Variants in ECM2 observed in about 807,000 individuals in gnomAD.
ECM2 encodes extracellular matrix protein 2, female organ and adipocyte specific.
In ECM2, 57 loss-of-function variants were observed where a neutral mutation model predicts 67.5. The ratio of observed to expected loss-of-function variants is 0.84; its 90% CI spans 0.68 to 1.05. The LOEUF is 1.05. ECM2 is among the 50% of genes least tolerant of loss of function. The probability of loss-of-function intolerance (pLI) is 0.00; values close to 1 mark genes in which losing one functional copy is unlikely to be tolerated. For missense variants in ECM2, 741 were observed against 822.8 expected (o/e 0.90, Z 1.22); for synonymous variants, 258 against 294.5 (o/e 0.88, Z 1.27).
the ECM2 span, among the ~76,000 whole-genome samples, chr9:92,554,072 G>A: frequency 6.6e-6 from 1 of 152,104 alleles, no homozygotes; most frequent in African/African-American, 2.4e-5. Flanking sequence ...ATTACATTAA[G>A]GTATTTCCCT....
At chr9:92,546,334 C>A in the ECM2 span, among the ~76,000 whole-genome samples, 1 of 152,194 alleles carries the variant, frequency 6.6e-6, no homozygotes, top group Non-Finnish European at 1.5e-5. Context: ...CACCAGAGGT[C>A]CCCTTCCACT....
chr9:92,522,511 C>G, intron 2 of ECM2, 64 bp downstream of exon 2: 1 of 1,431,796 alleles, frequency 7.0e-7, no homozygotes. Context: ...CTCTCCTTCT[C>G]TTTCCCCATA....
intron 9 of ECM2, among the ~76,000 whole-genome samples, chr9:92,498,415 G>A (rs1389493866): frequency 4.0e-5 from 6 of 151,760 alleles, no homozygotes; most frequent in East Asian, 1.9e-4. Context: ...AAACCTGCAC[G>A]TTGTGCACAT....
the ECM2 span, among the ~76,000 whole-genome samples, chr9:92,555,023 TG>T: frequency 1.7e-3 from 250 of 150,804 alleles, no homozygotes; most frequent in Admixed American, 4.0e-3. Flanking sequence ...TTGTTGTTGT[TG>T]TTGTTGTTGT....
chr9:92,545,527 T>G, the ECM2 span, among the ~76,000 whole-genome samples: 1 of 91,258 alleles, frequency 1.1e-5, no homozygotes, highest in Non-Finnish European at 2.0e-5. Context: ...AGACTGAGCC[T>G]CCCGCCCCGC....
chr9:92,547,307 C>G, the ECM2 span, among the ~76,000 whole-genome samples: 2 of 152,086 alleles, frequency 1.3e-5, no homozygotes, highest in African/African-American at 4.8e-5. Flanking sequence ...AGCTGTATCC[C>G]CAAGAGAACT....
chr9:92,537,748 G>T (rs563819576), upstream of ECM2, among the ~76,000 whole-genome samples: 3 of 152,160 alleles, frequency 2.0e-5, no homozygotes, highest in Non-Finnish European at 4.4e-5. Context: ...AATGTCAGTG[G>T]TCAATAAAAC....
chr9:92,559,103 C>T, the ECM2 span, among the ~76,000 whole-genome samples: 1 of 152,190 alleles, frequency 6.6e-6, no homozygotes, highest in Non-Finnish European at 1.5e-5. Context: ...GAAGTCTGCA[C>T]ACTGGATTCG....
At chr9:92,546,602 C>T in the ECM2 span, among the ~76,000 whole-genome samples, 5 of 152,122 alleles carry the variant, frequency 3.3e-5, no homozygotes, top group Non-Finnish European at 7.3e-5. Flanking sequence ...AAGGAAAAAA[C>T]TCCGAACACA....
chr9:92,518,625 G>A (rs955965280), intron 2 of ECM2, among the ~76,000 whole-genome samples: 20 of 152,128 alleles, frequency 1.3e-4, no homozygotes, highest in African/African-American at 4.6e-4. Context: ...GTCTGGGCAC[G>A]GTGGCTCATG....
chr9:92,548,924 C>T, the ECM2 span, among the ~76,000 whole-genome samples: 1 of 151,898 alleles, frequency 6.6e-6, no homozygotes, highest in Non-Finnish European at 1.5e-5. Context: ...ATGTAAAGGC[C>T]AAAGAAAAGC....
In ECM2 at chr9:92,514,810, G is replaced by A. The variant is rs369927306; in HGVS notation, c.875C>T (p.Pro292Leu). The A allele has an allele frequency of 7.2e-5, 116 of 1,613,152 alleles. No individual in the cohort carries two copies. The highest frequency in any genetic ancestry group is 9.2e-5 in the Non-Finnish European group (109 of 1,179,694). The change falls in exon 4 of 10, where the codon CCG (proline) becomes CTG (leucine). Residue 292 changes from proline (P) to leucine (L), a missense_variant. Coordinates refer to ENST00000344604, the MANE Select transcript of ECM2 (RefSeq NM_001393.4). ...CATTCGGAACATATCTCCTCTTACC[G>A]GGTCCTCCTCGTCCTCCTCATCCTC... ...GEEDEEDEED[P>L]VRGDMFRMPS...
chr9:92,522,952 G>A, intron 1 of ECM2, 59 bp from the exon 2 acceptor site: 1 of 1,459,330 alleles, frequency 6.9e-7, no homozygotes, highest in Non-Finnish European at 9.0e-7. Context: ...CTGAAAATTG[G>A]CTTATATATT....
intron 9 of ECM2, among the ~76,000 whole-genome samples, chr9:92,500,329 C>T (rs1424450075): frequency 2.0e-5 from 3 of 152,000 alleles, no homozygotes; most frequent in Admixed American, 6.5e-5. Flanking sequence ...ATTACAGACA[C>T]GCACCACCAC....
At chr9:92,554,165 T>C in the ECM2 span, among the ~76,000 whole-genome samples, 1 of 151,626 alleles carries the variant, frequency 6.6e-6, no homozygotes, top group Non-Finnish European at 1.5e-5. Context: ...ATTAAGATTA[T>C]CATGTGATTT....
At chr9:92,513,269 C>T (rs1847471849) in intron 4 of ECM2, among the ~76,000 whole-genome samples, 1 of 152,098 alleles carries the variant, frequency 6.6e-6, no homozygotes, top group African/African-American at 2.4e-5. Context: ...CACATTCCCT[C>T]TAGAATGTCA....
chr9:92,503,966 C>T (rs947201222), intron 7 of ECM2, among the ~76,000 whole-genome samples: 8 of 152,142 alleles, frequency 5.3e-5, no homozygotes, highest in East Asian at 1.9e-4. Context: ...GTATGTGCCA[C>T]GCATTTGTGC....
chr9:92,544,732 T>TC, the ECM2 span, among the ~76,000 whole-genome samples: 1 of 127,832 alleles, frequency 7.8e-6, no homozygotes, highest in Non-Finnish European at 1.6e-5. Context: ...TTTTTTTTTT[T>TC]GAGTTGGAGT....
intron 1 of ECM2, among the ~76,000 whole-genome samples, chr9:92,524,693 A>C (rs982570310): frequency 1.3e-5 from 2 of 152,216 alleles, no homozygotes; most frequent in Non-Finnish European, 1.5e-5. Flanking sequence ...TATGGAGGAG[A>C]AACTAAAACC....
Sources: gnomAD v4.1 joint callset for allele counts (sites outside exome capture counted in the v4.1 genomes callset) on GRCh38, gnomAD v4.1.1 for gene constraint, MANE v1.5 for transcripts, NCBI Gene and HGNC (gene_info 2026-07-23, HGNC 2026-07-21) for gene names.